The following UBE2Q2 variants were observed in gnomAD, a reference collection of about 807,000 sequenced individuals.
UBE2Q2 encodes ubiquitin conjugating enzyme E2 Q2.
UBE2Q2 carries 54 observed loss-of-function variants against 59.9 expected under a neutral mutation model. The observed-to-expected ratio is 0.90, with a 90% CI of 0.72 to 1.13. UBE2Q2 has a LOEUF of 1.13. Ranked by LOEUF, UBE2Q2 falls within the 50% of genes most tolerant of loss-of-function variation. The pLI, the probability that UBE2Q2 is intolerant of heterozygous loss-of-function variation, is 0.00. For missense variants in UBE2Q2, 433 were observed against 441.9 expected, an observed-to-expected ratio of 0.98 and a Z score of 0.18; for synonymous variants, 165 against 155.2, an observed-to-expected ratio of 1.06 and a Z score of -0.47.
chr15:75,849,209 GTAC>G (rs1374823404), intron 1 of UBE2Q2, among the ~76,000 whole-genome samples: 3 of 152,096 alleles, frequency 2.0e-5, no homozygotes, highest in Non-Finnish European at 2.9e-5. Context: ...TTTTATTAAG[GTAC>G]TATATGCTAA....
chr15:75,877,693 A>AT (rs1341207688), intron 6 of UBE2Q2, among the ~76,000 whole-genome samples: 1 of 152,180 alleles, frequency 6.6e-6, no homozygotes, highest in Non-Finnish European at 1.5e-5. Context: ...AGTACATATG[A>AT]TTTTGCATAA....
chr15:75,889,247 T>G (rs1291473263), intron 9 of UBE2Q2, among the ~76,000 whole-genome samples: 1 of 152,202 alleles, frequency 6.6e-6, no homozygotes, highest in African/African-American at 2.4e-5. Flanking sequence ...CTTTTAGATT[T>G]TCTTTCACTT....
At chr15:75,878,502 G>A (rs1253499814) in intron 7 of UBE2Q2, 2 of 151,364 alleles carry the variant, frequency 1.3e-5, no homozygotes, top group African/African-American at 4.9e-5. Flanking sequence ...GGGAGGCTGA[G>A]GCAGGAAGAT....
intron 3 of UBE2Q2, among the ~76,000 whole-genome samples, chr15:75,861,646 T>G (rs1410064365): frequency 2.0e-5 from 3 of 152,374 alleles, no homozygotes; most frequent in Middle Eastern, 3.4e-3. Flanking sequence ...CTAAATTATT[T>G]TTCTTTAATT....
intron 11 of UBE2Q2, among the ~76,000 whole-genome samples, chr15:75,894,531 C>T (rs967680654): frequency 6.6e-6 from 1 of 152,146 alleles, no homozygotes; most frequent in Non-Finnish European, 1.5e-5. Flanking sequence ...TTGCAGTGAG[C>T]TGAGATCCAG....
At position 75,899,515 on chromosome 15, in the gene UBE2Q2, A is replaced by G; in HGVS notation, c.*57A>G. ...TTGCTTTAAAGAAAATCTTTCTAAC[A>G]TGCAGACAAAAGCTTTGAGTGCCCC... On this transcript the variant is annotated 3_prime_UTR_variant, in exon 13 of 13. Transcript: ENST00000267938. The G allele has an allele frequency of 6.9e-7, 1 of 1,457,902 alleles. No individual in the cohort carries two copies. The highest frequency in any genetic ancestry group is 1.2e-5 in the South Asian group (1 of 80,392). 90.3% of individuals were successfully genotyped at this position (1,457,902 alleles called of 1,614,324 possible). A position where few individuals can be genotyped will look rare whatever the true frequency, so the allele number is the denominator to read the frequency against.
At chr15:75,867,918 T>G (rs1897588724) in intron 3 of UBE2Q2, among the ~76,000 whole-genome samples, 1 of 152,224 alleles carries the variant, frequency 6.6e-6, no homozygotes, top group Non-Finnish European at 1.5e-5. Flanking sequence ...GAATTACATT[T>G]TGGAAGCTGC....
At chr15:75,862,317 T>A (rs1044769715) in intron 3 of UBE2Q2, among the ~76,000 whole-genome samples, 1 of 152,148 alleles carries the variant, frequency 6.6e-6, no homozygotes, top group Non-Finnish European at 1.5e-5. Flanking sequence ...TGTTCCATGG[T>A]TGTATTCATA....
At chr15:75,854,849 G>C (rs557167436) in intron 2 of UBE2Q2, among the ~76,000 whole-genome samples, 1 of 152,120 alleles carries the variant, frequency 6.6e-6, no homozygotes, top group Non-Finnish European at 1.5e-5. Context: ...TAGTATGAGG[G>C]AATTGCCTTT....
At chr15:75,883,270 T>C (rs902824375) in intron 8 of UBE2Q2, 96 bp from the exon 9 acceptor site, 1 of 1,142,870 alleles carries the variant, frequency 8.7e-7, no homozygotes, top group Non-Finnish European at 1.3e-6. Context: ...TGATAATAAA[T>C]GTACACATTC....
intron 2 of UBE2Q2, among the ~76,000 whole-genome samples, chr15:75,858,617 G>T (rs548734703): frequency 1.6e-4 from 24 of 152,174 alleles, no homozygotes; most frequent in Admixed American, 1.0e-3. Context: ...ATTGAAATTC[G>T]TGGAGAGTGT....
chr15:75,879,931 G>A (rs1567035594), intron 8 of UBE2Q2, among the ~76,000 whole-genome samples: 1 of 152,154 alleles, frequency 6.6e-6, no homozygotes, highest in Non-Finnish European at 1.5e-5. Context: ...TAGGTGGGAG[G>A]TAGGGAGGTG....
intron 3 of UBE2Q2, among the ~76,000 whole-genome samples, chr15:75,862,447 G>A (rs1424320732): frequency 6.8e-6 from 1 of 146,878 alleles, no homozygotes; most frequent in African/African-American, 2.5e-5. Flanking sequence ...CTTTCCTCAG[G>A]TATCTATTCT....
intron 1 of UBE2Q2, chr15:75,844,242 C>A: frequency 1.3e-6 from 2 of 1,493,318 alleles, no homozygotes; most frequent in Non-Finnish European, 1.8e-6. Context: ...GAGCCCAGGC[C>A]GGCAAGGGGA....
intron 4 of UBE2Q2, among the ~76,000 whole-genome samples, chr15:75,871,651 A>G (rs915869887): frequency 1.3e-5 from 2 of 152,242 alleles, no homozygotes; most frequent in Admixed American, 1.3e-4. Context: ...TTTAACCCTG[A>G]GTTTGACACA....
At chr15:75,881,544 G>A (rs1281840830) in intron 8 of UBE2Q2, among the ~76,000 whole-genome samples, 2 of 152,152 alleles carry the variant, frequency 1.3e-5, no homozygotes, top group Non-Finnish European at 2.9e-5. Flanking sequence ...ATTGCCTTGA[G>A]CTAACTGACC....
intron 4 of UBE2Q2, among the ~76,000 whole-genome samples, chr15:75,871,281 C>G (rs550510244): frequency 2.0e-5 from 3 of 152,232 alleles, no homozygotes; most frequent in Non-Finnish European, 2.9e-5. Flanking sequence ...AACGTACAAT[C>G]GGGTTTTATA....
chr15:75,851,680 CGTCA>C lies in UBE2Q2; in HGVS notation c.181-2703_181-2700del, dbSNP rs1896641424. On this transcript the variant is annotated intron_variant, in intron 1 of 12. Transcript: ENST00000267938. ...CCAAAAACCCAAGTTGAAATAACAT[CGTCA>C]GTTATCCTTTCAAGTAAAAATGGTA... 2.6e-5 allele frequency among the ~76,000 whole-genome samples: 4 copies of C among 152,230 alleles called. No homozygotes were observed. In the South Asian group the frequency reaches 8.3e-4, roughly 32 times the overall value.
rs1160088483 is a variant in UBE2Q2, at chr15:75,899,928, A to G, written c.*470A>G. The stretch of plus-strand genomic sequence containing the variant: ...AAATCATAATAGCTCTTTCATGTCT[A>G]AAACCATTTTATGATATTGCCAAAA... On this transcript the variant is annotated 3_prime_UTR_variant, in exon 13 of 13. Coordinates refer to ENST00000267938, the MANE Select transcript of UBE2Q2 (RefSeq NM_173469.4). The G allele has an allele frequency of 6.5e-6, 1 of 152,754 alleles. No individual in the cohort carries two copies. Among genetic ancestry groups the G allele is most frequent in the Admixed American group, 6.5e-5 (1 of 15,288 alleles). 9.5% of individuals were successfully genotyped at this position (152,754 alleles called of 1,614,324 possible).
Sources: gnomAD v4.1 joint callset for allele counts (sites outside exome capture counted in the v4.1 genomes callset) on GRCh38, gnomAD v4.1.1 for gene constraint, MANE v1.5 for transcripts, NCBI Gene and HGNC (gene_info 2026-07-23, HGNC 2026-07-21) for gene names.